Variants in ELMO1 observed in about 807,000 individuals in gnomAD.
ELMO1 encodes engulfment and cell motility protein 1.
Under a neutral mutation model 98.9 loss-of-function variants are expected in ELMO1, and 26 were observed. The ratio of observed to expected loss-of-function variants is 0.26; its 90% CI spans 0.19 to 0.36. ELMO1 has a LOEUF of 0.36. Ranked by LOEUF, ELMO1 falls within the 10% of genes least tolerant of loss-of-function variation. The pLI is 1.00. For missense variants in ELMO1, 627 were observed against 935.2 expected, an observed-to-expected ratio of 0.67 and a Z score of 4.30; for synonymous variants, 346 against 346.0, an observed-to-expected ratio of 1.00 and a Z score of 0.00.
At position 37,091,280 on chromosome 7, in the gene ELMO1, T is replaced by C. The variant is rs139116380; in HGVS notation, c.1300+5339A>G. 4.1e-4 allele frequency among the ~76,000 whole-genome samples: 63 copies of C among 152,230 alleles called. No individual in the cohort carries two copies. In the Middle Eastern group the frequency reaches 0.01, roughly 25 times the overall value. The stretch of plus-strand genomic sequence containing the variant: ...GCACCACCATGCCCGGCTAATTTTG[T>C]ATTTTTAGTAGAGATGGGGTTTCAC... On this transcript the variant is annotated intron_variant, in intron 15 of 21. Transcript: ENST00000310758.
chr7:36,903,829 C>T (rs569727386), intron 16 of ELMO1, among the ~76,000 whole-genome samples: 2 of 152,362 alleles, frequency 1.3e-5, no homozygotes, highest in South Asian at 4.1e-4. Context: ...CTTGTTACTG[C>T]CCACAGTTTT....
intron 20 of ELMO1, among the ~76,000 whole-genome samples, chr7:36,869,575 G>C (rs1803338781): frequency 1.3e-5 from 2 of 152,120 alleles, no homozygotes; most frequent in South Asian, 2.1e-4. Flanking sequence ...CAGATTTTCT[G>C]GGTGCTCCAG....
At chr7:37,209,779 A>G (rs1432208016) in intron 13 of ELMO1, among the ~76,000 whole-genome samples, 1 of 152,110 alleles carries the variant, frequency 6.6e-6, no homozygotes, top group Non-Finnish European at 1.5e-5. Context: ...GCCACCCTGG[A>G]GCTTTGGTCA....
chr7:37,335,004 C>T (rs2717946), intron 2 of ELMO1, among the ~76,000 whole-genome samples: 70,508 of 152,010 alleles, frequency 0.46, 17,166 homozygotes, highest in Non-Finnish European at 0.56. Flanking sequence ...CACACAGTAA[C>T]GGAGATCAAT....
At chr7:37,404,176 T>C (rs888920676) in intron 1 of ELMO1, among the ~76,000 whole-genome samples, 2 of 152,166 alleles carry the variant, frequency 1.3e-5, no homozygotes, top group South Asian at 2.1e-4. Flanking sequence ...AAGAAATTCA[T>C]TTTAAGGTAT....
chr7:37,275,578 A>G lies in ELMO1; in HGVS notation c.193-3696T>C, dbSNP rs1796785934. Among the ~76,000 whole-genome samples the G allele has an allele frequency of 2.0e-5, 3 of 152,224 alleles. No homozygotes were observed. In the South Asian group the frequency reaches 6.2e-4, roughly 32 times the overall value. ...GCACTGTTAGAGGTGAATAAGAACA[A>G]GAGGAAACGGACGCAGGCACTGCAT... is the stretch of plus-strand genomic sequence containing the variant. On this transcript the variant is annotated intron_variant, in intron 4 of 21. Transcript: ENST00000310758.
intron 1 of ELMO1, among the ~76,000 whole-genome samples, chr7:37,429,019 G>GGTTGTTGTTGTT (rs67631888): frequency 6.6e-6 from 1 of 151,094 alleles, no homozygotes; most frequent in African/African-American, 2.4e-5. Context: ...ACGTACTGCA[G>GGTTGTTGTTGTT]GTTGTTGTTG....
chr7:37,191,203 A>AG (rs1212462876), intron 13 of ELMO1, among the ~76,000 whole-genome samples: 64 of 151,506 alleles, frequency 4.2e-4, no homozygotes, highest in African/African-American at 8.9e-4. Flanking sequence ...AAAAAAAAAA[A>AG]AAAGAAAGAA....
At chr7:37,335,586 A>G (rs1413431231) in intron 2 of ELMO1, among the ~76,000 whole-genome samples, 1 of 152,214 alleles carries the variant, frequency 6.6e-6, no homozygotes, top group Non-Finnish European at 1.5e-5. Flanking sequence ...AACTTTTTTC[A>G]AACAAAATCT....
intron 16 of ELMO1, among the ~76,000 whole-genome samples, chr7:37,009,585 A>C (rs1164250222): frequency 6.6e-6 from 1 of 152,178 alleles, no homozygotes; most frequent in South Asian, 2.1e-4. Flanking sequence ...AGAATCCAGC[A>C]TAGTTTGTTG....
At chr7:37,193,878 A>T (rs903095899) in intron 13 of ELMO1, among the ~76,000 whole-genome samples, 3 of 152,130 alleles carry the variant, frequency 2.0e-5, no homozygotes, top group African/African-American at 7.2e-5. Flanking sequence ...TAAACATGTG[A>T]CTCTAGTACA....
At chr7:37,334,443 T>A (rs60985588) in intron 2 of ELMO1, among the ~76,000 whole-genome samples, 56 of 152,162 alleles carry the variant, frequency 3.7e-4, no homozygotes, top group Middle Eastern at 3.4e-3. Context: ...CAAAACTCCA[T>A]CTCAACAACA....
At chr7:37,156,651 A>G (rs1452705738) in intron 13 of ELMO1, among the ~76,000 whole-genome samples, 2 of 152,238 alleles carry the variant, frequency 1.3e-5, no homozygotes, top group African/African-American at 4.8e-5. Flanking sequence ...TAGAACAATA[A>G]CAGGTTCTGA....
intron 5 of ELMO1, among the ~76,000 whole-genome samples, chr7:37,261,550 T>C (rs1393830528): frequency 1.3e-5 from 2 of 152,120 alleles, no homozygotes; most frequent in African/African-American, 2.4e-5. Context: ...TCTAAATCAC[T>C]CAGGATGCTG....
intron 18 of ELMO1, among the ~76,000 whole-genome samples, chr7:36,881,373 T>C (rs1804441140): frequency 6.6e-6 from 1 of 152,192 alleles, no homozygotes; most frequent in Non-Finnish European, 1.5e-5. Context: ...ATTTGCAGTT[T>C]CTTTTACGGC....
chr7:37,345,461 C>T (rs1800950206), intron 1 of ELMO1, among the ~76,000 whole-genome samples: 1 of 151,878 alleles, frequency 6.6e-6, no homozygotes, highest in African/African-American at 2.4e-5. Context: ...CCTGTAATCC[C>T]AACACTTTGA....
chr7:37,268,077 C>A (rs945373317), intron 5 of ELMO1, among the ~76,000 whole-genome samples: 2 of 152,130 alleles, frequency 1.3e-5, no homozygotes, highest in African/African-American at 4.8e-5. Flanking sequence ...AGAAAAGTAA[C>A]AATGGTCTGG....
chr7:37,021,988 T>C (rs1241798832), intron 15 of ELMO1, among the ~76,000 whole-genome samples: 1 of 152,164 alleles, frequency 6.6e-6, no homozygotes, highest in Non-Finnish European at 1.5e-5. Context: ...ACTGGATTTA[T>C]GACAAAAATG....
intron 16 of ELMO1, chr7:36,985,844 G>T: frequency 1.1e-6 from 1 of 947,282 alleles, no homozygotes. Flanking sequence ...AGTTTTCTCG[G>T]CAGACAATAG....
Sources: allele counts gnomAD v4.1 joint callset (sites outside exome capture counted in the v4.1 genomes callset), GRCh38; gene constraint gnomAD v4.1.1; transcripts MANE v1.5; gene names NCBI Gene and HGNC (gene_info 2026-07-23, HGNC 2026-07-21).